The following NFIA variants were observed in gnomAD, a reference collection of about 807,000 sequenced individuals.
NFIA encodes nuclear factor 1 A-type.
NFIA carries 8 observed loss-of-function variants against 62.8 expected under a neutral mutation model. The ratio of observed to expected loss-of-function variants is 0.13; its 90% confidence interval spans 0.07 to 0.23. The LOEUF (loss-of-function observed/expected upper bound fraction) is 0.23. Among genes scored for constraint, NFIA ranks in the 10% least tolerant of loss-of-function variants. The pLI is 1.00. For missense variants in NFIA, 410 were observed against 642.1 expected (o/e 0.64, Z 3.91); for synonymous variants, 235 against 238.1 (o/e 0.99, Z 0.12).
intron 2 of NFIA, among the ~76,000 whole-genome samples, chr1:61,095,195 A>G (rs1169534179): frequency 6.6e-6 from 1 of 152,224 alleles, no homozygotes; most frequent in Admixed American, 6.5e-5. Flanking sequence ...ACCTAGATCA[A>G]TTGGGAGTAG....
chr1:61,115,761 G>C (rs1021340890), intron 2 of NFIA, among the ~76,000 whole-genome samples: 1 of 152,176 alleles, frequency 6.6e-6, no homozygotes, highest in Non-Finnish European at 1.5e-5. Context: ...GAAAACATTT[G>C]TCCACTTGCC....
intron 2 of NFIA, among the ~76,000 whole-genome samples, chr1:61,115,344 T>C (rs762150787): frequency 5.3e-5 from 8 of 152,134 alleles, no homozygotes; most frequent in South Asian, 2.1e-4. Context: ...AGAAGAAATA[T>C]AGAGAAAAAC....
At chr1:61,436,771 A>G (rs1042265023) in intron 10 of NFIA, among the ~76,000 whole-genome samples, 1 of 152,192 alleles carries the variant, frequency 6.6e-6, no homozygotes, top group Non-Finnish European at 1.5e-5. Flanking sequence ...TACATTCCAC[A>G]GCACACACCT....
intron 2 of NFIA, among the ~76,000 whole-genome samples, chr1:61,275,447 A>T (rs1257135106): frequency 6.6e-6 from 1 of 152,228 alleles, no homozygotes; most frequent in Non-Finnish European, 1.5e-5. Context: ...TCATGGATAA[A>T]TATCGGAAAA....
In NFIA at chr1:61,462,771, A is replaced by T. The variant is rs1451513924; in HGVS notation, c.*7451A>T. 6.6e-6 allele frequency: 1 copy of T among 152,244 alleles called. No individual in the cohort carries two copies. Among genetic ancestry groups the T allele is most frequent in the East Asian group, 1.9e-4 (1 of 5,200 alleles). 9.4% of individuals were successfully genotyped at this position (152,244 alleles called of 1,614,324 possible). On this transcript the variant is annotated 3_prime_UTR_variant, in exon 11 of 11. Transcript: ENST00000403491. ...TCCTATGCAACAAAAAAGGAAAAAT[A>T]AAAAATTGCTAATGCTATGGAAGCT...
At chr1:61,401,280 C>A (rs1458665193) in intron 7 of NFIA, among the ~76,000 whole-genome samples, 2 of 152,122 alleles carry the variant, frequency 1.3e-5, no homozygotes, top group Non-Finnish European at 2.9e-5. Flanking sequence ...ATAAATCAGT[C>A]ATTGTAGAAT....
intron 4 of NFIA, among the ~76,000 whole-genome samples, chr1:61,347,468 C>T (rs975001770): frequency 5.3e-5 from 8 of 152,082 alleles, no homozygotes; most frequent in East Asian, 1.9e-4. Flanking sequence ...CCACCGTGCC[C>T]GGCCCACTTT....
intron 1 of NFIA, among the ~76,000 whole-genome samples, chr1:61,085,425 T>G (rs1646201669): frequency 6.6e-6 from 1 of 152,132 alleles, no homozygotes; most frequent in Non-Finnish European, 1.5e-5. Context: ...TTGAAACAGG[T>G]TTTCAGGTTT....
chr1:61,255,070 A>G (rs1267992784), intron 2 of NFIA, among the ~76,000 whole-genome samples: 9 of 152,206 alleles, frequency 5.9e-5, no homozygotes, highest in East Asian at 3.8e-4. Context: ...ATTAGATCCC[A>G]GGGGAAGTAC....
At chr1:61,368,607 AGAT>A (rs1206448711) in intron 6 of NFIA, among the ~76,000 whole-genome samples, 3 of 152,232 alleles carry the variant, frequency 2.0e-5, no homozygotes, top group Admixed American at 2.0e-4. Context: ...AGATCAAATG[AGAT>A]GATAAGAACA....
Position 61,257,329 on chromosome 1 carries a change from G to GTTTTT in NFIA, c.560-20169_560-20165dup, listed in dbSNP as rs67912567. On this transcript the variant is annotated intron_variant, in intron 2 of 10. Transcript: ENST00000403491. Reference sequence around the variant, plus strand: ...TGTTTTTTATATTTTTTACTGCGTTGTTTTTTTTTTTTTTTTTTTTTTTTT... The same window carrying GTTTTT: ...TGTTTTTTATATTTTTTACTGCGTTGTTTTTTTTTTTTTTTTTTTTTTTTTTTTTT... Among the ~76,000 whole-genome samples, 4 of 54,730 alleles carry GTTTTT rather than the reference G, an allele frequency of 7.3e-5. 1 individual carries two copies. Among genetic ancestry groups the GTTTTT allele is most frequent in the East Asian group, 6.9e-4 (1 of 1,444 alleles). 35.9% of individuals were successfully genotyped at this position (54,730 alleles called of 152,430 possible).
chr1:61,211,663 A>G (rs751950826), intron 2 of NFIA, among the ~76,000 whole-genome samples: 2 of 152,196 alleles, frequency 1.3e-5, no homozygotes, highest in African/African-American at 2.4e-5. Context: ...TATTCCGTCA[A>G]TTAGAGACTT....
chr1:61,227,806 T>G (rs377481422), intron 2 of NFIA, among the ~76,000 whole-genome samples: 25 of 152,360 alleles, frequency 1.6e-4, no homozygotes, highest in African/African-American at 6.0e-4. Flanking sequence ...TTAAAATCTT[T>G]AAGTGGCCTT....
At chr1:61,423,707 G>A (rs949438965) in intron 9 of NFIA, among the ~76,000 whole-genome samples, 1 of 152,062 alleles carries the variant, frequency 6.6e-6, no homozygotes, top group East Asian at 1.9e-4. Context: ...TTCAATTAAG[G>A]TTTTATTCAA....
intron 3 of NFIA, among the ~76,000 whole-genome samples, chr1:61,309,655 C>CT (rs1320214628): frequency 1.3e-5 from 2 of 152,186 alleles, no homozygotes; most frequent in Non-Finnish European, 2.9e-5. Context: ...CTCTGGGAGG[C>CT]CAGGGTGGGT....
intron 2 of NFIA, among the ~76,000 whole-genome samples, chr1:61,272,617 A>G (rs772528311): frequency 2.0e-5 from 3 of 152,202 alleles, no homozygotes; most frequent in Non-Finnish European, 4.4e-5. Context: ...CCAAACCCTC[A>G]GAAACTAAAA....
intron 2 of NFIA, among the ~76,000 whole-genome samples, chr1:61,263,442 C>G (rs1041433154): frequency 1.3e-5 from 2 of 152,194 alleles, no homozygotes; most frequent in Non-Finnish European, 2.9e-5. Flanking sequence ...GCAGGTAGAA[C>G]TGCTCGCTTG....
intron 3 of NFIA, among the ~76,000 whole-genome samples, chr1:61,327,837 C>T (rs1343569055): frequency 6.6e-6 from 1 of 152,108 alleles, no homozygotes; most frequent in African/African-American, 2.4e-5. Context: ...AAGAAATCTC[C>T]ATACTGTTTC....
intron 2 of NFIA, chr1:61,251,117 T>C (rs1158067503): frequency 6.6e-6 from 1 of 152,218 alleles, no homozygotes; most frequent in African/African-American, 2.4e-5. Flanking sequence ...AAGGCTTCTT[T>C]TAATAACTTA....
Sources: allele counts gnomAD v4.1 joint callset (sites outside exome capture counted in the v4.1 genomes callset), GRCh38; gene constraint gnomAD v4.1.1; transcripts MANE v1.5; gene names NCBI Gene and HGNC (gene_info 2026-07-23, HGNC 2026-07-21).